CDKL2: variants seen among roughly 807,000 people sequenced by gnomAD.
The protein encoded by CDKL2 is cyclin-dependent kinase-like 2.
A neutral mutation model predicts 63.9 loss-of-function variants in CDKL2; 64 were observed. The ratio of observed to expected loss-of-function variants is 1.00; its 90% CI spans 0.82 to 1.23. The LOEUF (loss-of-function observed/expected upper bound fraction) is 1.23. Ranked by LOEUF, CDKL2 falls within the 50% of genes most tolerant of loss-of-function variation. CDKL2 has a pLI of 0.00. For synonymous variants in CDKL2, 211 were observed against 229.2 expected (o/e 0.92, Z 0.72); for missense variants, 656 against 668.0 (o/e 0.98, Z 0.20).
chr4:75,611,458 CAA>C (rs71203834), intron 3 of CDKL2, among the ~76,000 whole-genome samples: 30,172 of 75,066 alleles, frequency 0.4, 2,274 homozygotes, highest in African/African-American at 0.45. Context: ...GATTCTGTCT[CAA>C]AAAAAAAAAA....
intron 10 of CDKL2, among the ~76,000 whole-genome samples, chr4:75,594,735 A>G (rs1239836178): frequency 2.6e-5 from 4 of 152,182 alleles, no homozygotes; most frequent in African/African-American, 4.8e-5. Flanking sequence ...CTGGGGGAAG[A>G]ATGTTCCAAA....
intron 5 of CDKL2, among the ~76,000 whole-genome samples, 166 bp downstream of exon 5, chr4:75,605,356 A>AAC (rs140806852): frequency 0.017 from 2,524 of 149,254 alleles, 49 homozygotes; most frequent in African/African-American, 0.047. Context: ...TCCATCTCAA[A>AAC]ACACACACAC....
intron 12 of CDKL2, among the ~76,000 whole-genome samples, chr4:75,588,409 AAT>A: frequency 6.6e-6 from 1 of 152,298 alleles, no homozygotes; most frequent in South Asian, 2.1e-4. Flanking sequence ...AAACATGACA[AAT>A]ATATCTTTTT....
intron 3 of CDKL2, among the ~76,000 whole-genome samples, chr4:75,613,676 T>C (rs1729799408): frequency 6.6e-6 from 1 of 152,150 alleles, no homozygotes; most frequent in African/African-American, 2.4e-5. Flanking sequence ...AACTAACAAA[T>C]ACACAGACCC....
chr4:75,597,266 T>C (rs1341127922), intron 8 of CDKL2, 30 bp from the exon 9 acceptor site: 1 of 1,393,414 alleles, frequency 7.2e-7, no homozygotes, highest in Admixed American at 1.8e-5. Flanking sequence ...TTAATAAGGT[T>C]AATGATCTGA....
At chr4:75,587,227 G>C (rs564293392) in intron 12 of CDKL2, among the ~76,000 whole-genome samples, 139 of 152,192 alleles carry the variant, frequency 9.1e-4, no homozygotes, top group Middle Eastern at 3.4e-3. Context: ...GCTGAGGTGG[G>C]TGTATCACTG....
Position 75,598,188 on chromosome 4 carries a change from T to C in CDKL2, c.909A>G (p.Lys303=). The C allele has an allele frequency of 6.7e-7, 1 of 1,497,434 alleles. No individual in the cohort carries two copies. The highest frequency in any genetic ancestry group is 9.1e-7 in the Non-Finnish European group (1 of 1,099,042). 92.8% of individuals were successfully genotyped at this position (1,497,434 alleles called of 1,614,324 possible). A position where few individuals can be genotyped will look rare whatever the true frequency, so the allele number is the denominator to read the frequency against. ...AAACATTTCTGGCATCTTTCTGTAC[T>C]TTTAACTGTAGTTCTTGGGAAAACC... ...AERFSQELQL[K]VQKDARNVSL... The change falls in exon 8 of 14, where the codon AAA becomes AAG. Residue 303 remains lysine, a synonymous_variant. Coordinates refer to ENST00000307465, the MANE Select transcript of CDKL2 (RefSeq NM_001330724.2).
Position 75,605,515 on chromosome 4 carries a change from A to T in CDKL2, c.655+7T>A, listed in dbSNP as rs1441680298. ...CTAAAATTTAAAATGCAGATGTGTA[A>T]CCTTACCTAAACACATCATAATATG... On this transcript the variant is annotated splice_region_variant and intron_variant, in intron 5 of 13. Transcript: ENST00000307465. 2 of 1,502,432 alleles carry T rather than the reference A, an allele frequency of 1.3e-6. No individual in the cohort carries two copies. Among genetic ancestry groups the T allele is most frequent in the Admixed American group, 1.7e-5 (1 of 58,088 alleles). 93.1% of individuals were successfully genotyped at this position (1,502,432 alleles called of 1,614,324 possible).
intron 3 of CDKL2, among the ~76,000 whole-genome samples, chr4:75,613,475 T>C (rs1178553383): frequency 1.3e-5 from 2 of 152,224 alleles, no homozygotes; most frequent in African/African-American, 2.4e-5. Flanking sequence ...ACACAAAGAA[T>C]GTCATTTAAA....
chr4:75,577,003 CAGA>C lies in CDKL2; in HGVS notation c.*2196_*2198del, dbSNP rs1216547107. Among the ~76,000 whole-genome samples, 6 of 151,984 alleles carry C rather than the reference CAGA, an allele frequency of 3.9e-5. No homozygotes were observed. Among genetic ancestry groups the C allele is most frequent in the Non-Finnish European group, 7.4e-5 (5 of 67,992 alleles). ...TGCCATCCCTACATCCAAAGTTTTC[CAGA>C]AGAATTAACAGATTTAAAACTTATT... On this transcript the variant is annotated 3_prime_UTR_variant, in exon 14 of 14. Transcript: ENST00000307465.
intron 3 of CDKL2, among the ~76,000 whole-genome samples, chr4:75,608,244 C>T (rs948070236): frequency 6.6e-6 from 1 of 150,432 alleles, no homozygotes. Flanking sequence ...ACTGTCTCAG[C>T]CTCCCGAGTA....
chr4:75,621,798 T>C (rs1469671503), intron 2 of CDKL2, among the ~76,000 whole-genome samples: 1 of 151,982 alleles, frequency 6.6e-6, no homozygotes, highest in African/African-American at 2.4e-5. Flanking sequence ...TTAAGGAAAA[T>C]AAAGGAAGTG....
chr4:75,601,299 C>A (rs1307544733), intron 6 of CDKL2, among the ~76,000 whole-genome samples: 7 of 152,238 alleles, frequency 4.6e-5, no homozygotes, highest in African/African-American at 1.7e-4. Context: ...CTGTGCTTAT[C>A]ACTATGCTAG....
At chr4:75,598,831 G>C (rs1729053584) in intron 7 of CDKL2, among the ~76,000 whole-genome samples, 1 of 152,120 alleles carries the variant, frequency 6.6e-6, no homozygotes, top group African/African-American at 2.4e-5. Context: ...AAGAAAGACT[G>C]ACAGAAAAAC....
chr4:75,607,251 A>G lies in CDKL2; in HGVS notation c.474T>C (p.Tyr158=), dbSNP rs893898739. 2 of 1,614,076 alleles carry G rather than the reference A, an allele frequency of 1.2e-6. No individual in the cohort carries two copies. The highest frequency in any genetic ancestry group is 3.3e-5 in the Admixed American group (2 of 60,012). The change falls in exon 4 of 14, where the codon TAT becomes TAC. Residue 158 remains tyrosine (Y), a synonymous_variant. Coordinates refer to ENST00000307465, the MANE Select transcript of CDKL2 (RefSeq NM_001330724.2). The part of the protein sequence containing the change: ...ARTLAAPGEV[Y]TDYVATRWYR... ...ACCATCGGGTTGCCACATAATCAGTATAAACCTCCCCAGGAGCTGCCAATG... is the reference window on the plus strand; with the variant it reads ...ACCATCGGGTTGCCACATAATCAGTGTAAACCTCCCCAGGAGCTGCCAATG...
At chr4:75,618,613 G>A (rs1486484396) in intron 2 of CDKL2, among the ~76,000 whole-genome samples, 1 of 152,054 alleles carries the variant, frequency 6.6e-6, no homozygotes. Flanking sequence ...CATATAAAAG[G>A]CTAAAACGAC....
intron 2 of CDKL2, among the ~76,000 whole-genome samples, chr4:75,618,401 T>C (rs1269760636): frequency 6.6e-6 from 1 of 151,256 alleles, no homozygotes; most frequent in East Asian, 2.0e-4. Flanking sequence ...ATTACAGACA[T>C]GCGCCACCAT....
chr4:75,595,167 A>G (rs558143204), intron 10 of CDKL2, among the ~76,000 whole-genome samples: 1 of 151,224 alleles, frequency 6.6e-6, no homozygotes, highest in South Asian at 2.1e-4. Flanking sequence ...ATTGATAAAT[A>G]TTTATTATAT....
At chr4:75,617,030 C>T (rs1729957569) in intron 2 of CDKL2, among the ~76,000 whole-genome samples, 1 of 152,072 alleles carries the variant, frequency 6.6e-6, no homozygotes, top group East Asian at 1.9e-4. Context: ...AGACTTACAT[C>T]GTGACTGCGA....
Sources: gnomAD v4.1 joint callset for allele counts (sites outside exome capture counted in the v4.1 genomes callset) on GRCh38, gnomAD v4.1.1 for gene constraint, MANE v1.5 for transcripts, NCBI Gene and HGNC (gene_info 2026-07-23, HGNC 2026-07-21) for gene names.